SGCD: variants seen among roughly 807,000 people sequenced by gnomAD.
SGCD encodes the protein delta-sarcoglycan.
In SGCD, 18 loss-of-function variants were observed where a neutral mutation model predicts 36.6. The ratio of observed to expected loss-of-function variants is 0.49; its 90% confidence interval spans 0.34 to 0.73. The LOEUF is 0.73. Ranked by LOEUF, SGCD falls within the 30% of genes least tolerant of loss-of-function variation. The pLI is 0.01. For missense variants in SGCD, 387 were observed against 346.7 expected (o/e 1.12, Z -0.92); for synonymous variants, 133 against 130.6 (o/e 1.02, Z -0.12).
intron 1 of SGCD, among the ~76,000 whole-genome samples, chr5:155,922,690 G>T (rs1288717653): frequency 2.0e-5 from 3 of 152,096 alleles, no homozygotes; most frequent in African/African-American, 7.2e-5. Context: ...CAGCCTCTTA[G>T]GTTATACTCA....
intron 3 of SGCD, among the ~76,000 whole-genome samples, chr5:156,165,440 A>G (rs1763190906): frequency 6.6e-6 from 1 of 152,208 alleles, no homozygotes; most frequent in Non-Finnish European, 1.5e-5. Context: ...TATATTCCCT[A>G]TGAAAGGTAG....
At position 156,721,095 on chromosome 5, in the gene SGCD, G is replaced by A. The variant is rs547344203; in HGVS notation, c.576-36486G>A. 3.4e-4 allele frequency among the ~76,000 whole-genome samples: 52 copies of A among 152,330 alleles called. No individual in the cohort carries two copies. In the South Asian group the frequency reaches 8.9e-3, roughly 26 times the overall value. On this transcript the variant is annotated intron_variant, in intron 7 of 8. Transcript: ENST00000337851. ...ACTGGAAAATGAGGCTGCACACAGCGGAAACGGGGAAGGCTCTGGTGGGGC... is the reference window on the plus strand; with the variant it reads ...ACTGGAAAATGAGGCTGCACACAGCAGAAACGGGGAAGGCTCTGGTGGGGC...
chr5:155,827,632 A>C, the SGCD span, among the ~76,000 whole-genome samples: 15 of 151,172 alleles, frequency 9.9e-5, no homozygotes, highest in African/African-American at 2.2e-4. Flanking sequence ...AATATGAGAT[A>C]ATCTTTCAGC....
In SGCD at chr5:156,651,243, A is replaced by G. The variant is rs1478073070; in HGVS notation, c.575+3707A>G. Among the ~76,000 whole-genome samples the G allele has an allele frequency of 5.3e-5, 8 of 152,056 alleles. No homozygotes were observed. In the East Asian group the frequency reaches 1.4e-3, roughly 26 times the overall value. On this transcript the variant is annotated intron_variant, in intron 7 of 8. Transcript: ENST00000337851. Reference sequence around the variant, plus strand: ...GCATAGTTTGATAATATTTTCTTCCATTTTGTAGACTGTTTATCCTGTTGA... The same window carrying G: ...GCATAGTTTGATAATATTTTCTTCCGTTTTGTAGACTGTTTATCCTGTTGA...
At chr5:156,042,485 G>A (rs1183093073) in intron 1 of SGCD, among the ~76,000 whole-genome samples, 5 of 152,186 alleles carry the variant, frequency 3.3e-5, no homozygotes, top group Admixed American at 1.3e-4. Context: ...TTGCAATAGA[G>A]AAAGAGTTTA....
the SGCD span, among the ~76,000 whole-genome samples, chr5:155,787,735 A>G: frequency 1.3e-5 from 2 of 152,046 alleles, no homozygotes; most frequent in African/African-American, 4.8e-5. Flanking sequence ...GGGTTTTTAT[A>G]GCTACATGGC....
At chr5:156,603,944 C>A (rs1432924734) in intron 6 of SGCD, among the ~76,000 whole-genome samples, 3 of 151,884 alleles carry the variant, frequency 2.0e-5, no homozygotes, top group African/African-American at 4.8e-5. Flanking sequence ...TCTAATATTT[C>A]TTTGTTAATT....
chr5:155,929,142 CT>C (rs1348608087), intron 1 of SGCD, among the ~76,000 whole-genome samples: 4 of 152,030 alleles, frequency 2.6e-5, no homozygotes, highest in Non-Finnish European at 5.9e-5. Context: ...GTTTTAGTGA[CT>C]TTTTTTCTGT....
At position 156,378,813 on chromosome 5, in the gene SGCD, G is replaced by A. The variant is rs146481619; in HGVS notation, c.192+34136G>A. On this transcript the variant is annotated intron_variant, in intron 3 of 8. Coordinates refer to ENST00000337851, the MANE Select transcript of SGCD (RefSeq NM_000337.6). ...CTTACCAACAGTGAATAAAATAAGA[G>A]TTAGTATGTGGACAAAATGTATAGA... Among the ~76,000 whole-genome samples the A allele has an allele frequency of 4.6e-4, 70 of 152,170 alleles. No individual in the cohort carries two copies. In the Middle Eastern group the frequency reaches 0.01, roughly 22 times the overall value.
At chr5:156,335,747 C>T (rs1204827971) in intron 2 of SGCD, among the ~76,000 whole-genome samples, 3 of 152,150 alleles carry the variant, frequency 2.0e-5, no homozygotes, top group Admixed American at 6.5e-5. Flanking sequence ...CCTTGGGGTT[C>T]TCCTTGACTC....
At chr5:156,205,818 G>A (rs1466608990) in intron 3 of SGCD, among the ~76,000 whole-genome samples, 2 of 151,720 alleles carry the variant, frequency 1.3e-5, no homozygotes, top group Non-Finnish European at 2.9e-5. Flanking sequence ...CAGTTATCTA[G>A]GAGTCAATGG....
In SGCD at chr5:156,228,044, C is replaced by T. The variant is rs191472105; in HGVS notation, c.-43-101490C>T. Among the ~76,000 whole-genome samples the T allele has an allele frequency of 4.6e-5, 7 of 152,146 alleles. No individual in the cohort carries two copies. The East Asian group carries it at 9.6e-4, about 21-fold the overall frequency. ...TTCAATTTTCTTAAATTTATTGAGG[C>T]TCATTTTGTGTCATATCATATGGTC... On this transcript the variant is annotated intron_variant, in intron 3 of 9. Coordinates refer to the SGCD transcript ENST00000517913.
chr5:155,957,898 C>T (rs1458709164), intron 1 of SGCD, among the ~76,000 whole-genome samples: 1 of 152,074 alleles, frequency 6.6e-6, no homozygotes, highest in Non-Finnish European at 1.5e-5. Flanking sequence ...GTACGTCATT[C>T]ACAGTAACAT....
chr5:156,390,989 G>T (rs1771530358), intron 3 of SGCD, among the ~76,000 whole-genome samples: 1 of 152,076 alleles, frequency 6.6e-6, no homozygotes, highest in Non-Finnish European at 1.5e-5. Flanking sequence ...TTTTTATAAA[G>T]TCTACAGTAG....
chr5:156,687,893 G>A (rs1249888414), intron 7 of SGCD, among the ~76,000 whole-genome samples: 4 of 152,148 alleles, frequency 2.6e-5, no homozygotes, highest in Admixed American at 2.0e-4. Context: ...ATGCACTACC[G>A]TAGCATTAGT....
chr5:156,562,254 T>A (rs1759293035), intron 4 of SGCD, among the ~76,000 whole-genome samples: 1 of 152,190 alleles, frequency 6.6e-6, no homozygotes, highest in South Asian at 2.1e-4. Context: ...TGTAGCATAT[T>A]ATACAGGATA....
chr5:156,465,274 AG>A (rs1458360238), intron 3 of SGCD, among the ~76,000 whole-genome samples: 1 of 152,220 alleles, frequency 6.6e-6, no homozygotes, highest in Non-Finnish European at 1.5e-5. Flanking sequence ...CTGGGGAGCC[AG>A]TGAAAATACA....
rs185726649 is a variant in SGCD at position 156,071,025 on chromosome 5, C to T, written c.-281-46853C>T. On this transcript the variant is annotated intron_variant, in intron 1 of 9. Coordinates refer to the SGCD transcript ENST00000517913. Reference sequence around the variant, plus strand: ...CATCTATTTGATTCTTCTCTCTTTTCTTCTTTATTAGTCTTGCTAGCGGTC... The same window carrying T: ...CATCTATTTGATTCTTCTCTCTTTTTTTCTTTATTAGTCTTGCTAGCGGTC... Among the ~76,000 whole-genome samples, 20 of 151,840 alleles carry T rather than the reference C, an allele frequency of 1.3e-4. 1 individual carries two copies. Among genetic ancestry groups the T allele is most frequent in the Admixed American group, 2.6e-4 (4 of 15,236 alleles).
At chr5:156,098,862 A>T (rs1761446877) in intron 1 of SGCD, among the ~76,000 whole-genome samples, 1 of 152,184 alleles carries the variant, frequency 6.6e-6, no homozygotes, top group Non-Finnish European at 1.5e-5. Flanking sequence ...AGCTCTGCCC[A>T]CCCACCTTGG....
Sources: allele counts gnomAD v4.1 joint callset (sites outside exome capture counted in the v4.1 genomes callset), GRCh38; gene constraint gnomAD v4.1.1; transcripts MANE v1.5; gene names NCBI Gene and HGNC (gene_info 2026-07-23, HGNC 2026-07-21).